Variants in DNAH7 observed in about 807,000 individuals in gnomAD.
DNAH7 encodes the protein dynein axonemal heavy chain 7.
A neutral mutation model predicts 444.6 loss-of-function variants in DNAH7; 397 were observed. That is an observed-to-expected ratio of 0.89 (90% CI 0.82 to 0.97). DNAH7 has a LOEUF of 0.97. Among genes scored for constraint, DNAH7 ranks in the 50% least tolerant of loss-of-function variants. The pLI is 0.00. For missense variants in DNAH7, 4,902 were observed against 4,800.8 expected (o/e 1.02, Z -0.62); for synonymous variants, 1,636 against 1,624.4 (o/e 1.01, Z -0.17).
chr2:195,812,172 C>T (rs555759169), intron 51 of DNAH7, among the ~76,000 whole-genome samples: 6 of 152,126 alleles, frequency 3.9e-5, no homozygotes, highest in Admixed American at 2.0e-4. Context: ...TGTTTCCAAC[C>T]GATCAGCATG....
chr2:195,743,557 T>C (rs1277943473), intron 63 of DNAH7, among the ~76,000 whole-genome samples: 1 of 152,128 alleles, frequency 6.6e-6, no homozygotes, highest in African/African-American at 2.4e-5. Context: ...GTCTAAAGTA[T>C]GGTAAAGGGG....
intron 5 of DNAH7, among the ~76,000 whole-genome samples, chr2:196,028,871 A>G (rs1695857861): frequency 6.6e-6 from 1 of 152,200 alleles, no homozygotes; most frequent in African/African-American, 2.4e-5. Flanking sequence ...ATACCATACC[A>G]AAGTGGGTAT....
chr2:195,950,851 C>CAAAAAAAA (rs67782183), intron 19 of DNAH7, among the ~76,000 whole-genome samples: 19 of 36,710 alleles, frequency 5.2e-4, no homozygotes, highest in African/African-American at 9.5e-4. Context: ...GACTCTGTCT[C>CAAAAAAAA]AAAAAAAAAA....
At chr2:195,898,940 C>T (rs992928233) in intron 28 of DNAH7, among the ~76,000 whole-genome samples, 3 of 152,230 alleles carry the variant, frequency 2.0e-5, no homozygotes. Flanking sequence ...TTCAACATCT[C>T]ACTCCAAAGC....
chr2:195,765,433 A>G (rs1302223427), intron 61 of DNAH7, among the ~76,000 whole-genome samples: 1 of 152,196 alleles, frequency 6.6e-6, no homozygotes, highest in Non-Finnish European at 1.5e-5. Flanking sequence ...AATAAAATGA[A>G]CAGAGAACAC....
At chr2:196,011,431 A>C (rs1400122519) in intron 10 of DNAH7, among the ~76,000 whole-genome samples, 1 of 152,148 alleles carries the variant, frequency 6.6e-6, no homozygotes. Context: ...CCCTACTTGT[A>C]GGGAATAATA....
chr2:195,983,519 G>T (rs1349796680), intron 15 of DNAH7, among the ~76,000 whole-genome samples: 1 of 152,010 alleles, frequency 6.6e-6, no homozygotes, highest in East Asian at 1.9e-4. Flanking sequence ...CAGATCTCAA[G>T]AAAACTAAAC....
At chr2:195,828,360 G>A (rs1398912608) in intron 48 of DNAH7, among the ~76,000 whole-genome samples, 1 of 151,926 alleles carries the variant, frequency 6.6e-6, no homozygotes. Context: ...CGAGGCGGGC[G>A]GATCATGAGG....
Position 195,906,973 on chromosome 2 carries a change from C to T in DNAH7, c.4141G>A (p.Glu1381Lys). Residue 1381 changes from glutamate (E) to lysine (K), a missense_variant, in exon 26 of 65, where the codon GAG becomes AAG. Transcript: ENST00000312428. Reference protein sequence around the residue: ...LSCGAWACFDEFNRIDLEVLS... With the variant: ...LSCGAWACFDKFNRIDLEVLS... ...ACTTCCAAATCAATTCTGTTAAACT[C>T]ATCAAAGCAAGCCCAGGCTCCACAA... 6.2e-7 allele frequency: 1 copy of T among 1,613,006 alleles called. No homozygotes were observed. Among genetic ancestry groups the T allele is most frequent in the Non-Finnish European group, 8.5e-7 (1 of 1,179,424 alleles).
chr2:195,865,746 A>G (rs2125100043), intron 40 of DNAH7, among the ~76,000 whole-genome samples: 2 of 152,258 alleles, frequency 1.3e-5, no homozygotes, highest in South Asian at 2.1e-4. Flanking sequence ...ATAACTCTCA[A>G]TGTGACTGGA....
At position 195,880,330 on chromosome 2, in the gene DNAH7, CTTTTTT is replaced by C. The variant is rs1042876508; in HGVS notation, c.5961+1459_5961+1464del. Reference sequence around the variant, plus strand: ...ATTGCAATCTTCTTTCTTTCTTTTTCTTTTTTTTTTTTTTTTGAGACGGAGTCTCAC... The same window carrying C: ...ATTGCAATCTTCTTTCTTTCTTTTTCTTTTTTTTTTGAGACGGAGTCTCAC... On this transcript the variant is annotated intron_variant, in intron 36 of 64. Transcript: ENST00000312428. Among the ~76,000 whole-genome samples, 12 of 136,666 alleles carry C rather than the reference CTTTTTT, an allele frequency of 8.8e-5. 1 individual carries two copies. Among genetic ancestry groups the C allele is most frequent in the African/African-American group, 3.2e-4 (12 of 37,090 alleles). 89.7% of individuals were successfully genotyped at this position (136,666 alleles called of 152,430 possible).
chr2:195,835,381 C>CAAAAAAAAAAAAAAAAAAAAAGAA (rs58376618), intron 47 of DNAH7, among the ~76,000 whole-genome samples: 1 of 113,054 alleles, frequency 8.8e-6, no homozygotes, highest in South Asian at 3.0e-4. Flanking sequence ...GTGACTGAGG[C>CAAAAAAAAAAAAAAAAAAAAAGAA]AAAAAAAAAA....
intron 51 of DNAH7, among the ~76,000 whole-genome samples, chr2:195,812,422 C>A (rs541967342): frequency 6.6e-6 from 1 of 152,152 alleles, no homozygotes; most frequent in Non-Finnish European, 1.5e-5. Flanking sequence ...TGTACAGCAA[C>A]AGATTGATTC....
intron 10 of DNAH7, among the ~76,000 whole-genome samples, chr2:196,010,790 T>A (rs1375318006): frequency 1.3e-5 from 2 of 152,140 alleles, no homozygotes; most frequent in African/African-American, 4.8e-5. Flanking sequence ...TAAAATGTAG[T>A]TTATATACAC....
Position 195,923,613 on chromosome 2 carries a change from C to T in DNAH7, c.3807G>A (p.Gln1269=). The T allele has an allele frequency of 6.2e-7, 1 of 1,614,086 alleles. No individual in the cohort carries two copies. The highest frequency in any genetic ancestry group is 8.5e-7 in the Non-Finnish European group (1 of 1,180,012). The change falls in exon 23 of 65, where the codon CAG becomes CAA. Residue 1269 remains glutamine, a synonymous_variant. Transcript: ENST00000312428. ...SDDSDFEWLS[Q]LRYYWQENHL... The stretch of plus-strand genomic sequence containing the variant: ...CACTTACTTGCCAGTAGTACCTAAG[C>T]TGACTTAACCATTCAAAGTCAGAGT...
rs1343834320 is a variant in DNAH7 at position 195,816,758 on chromosome 2, A to G, written c.9631T>C (p.Ser3211Pro). The change falls in exon 51 of 65, where the codon TCC becomes CCC. Residue 3211 changes from serine (S) to proline (P), a missense_variant. By Grantham distance (74) the Ser-to-Pro change is moderately conservative. Coordinates refer to ENST00000312428, the MANE Select transcript of DNAH7 (RefSeq NM_018897.3). ...MGYRPIAIHS[S>P]ILFFSLADLA... ...TCAGCAAGAGAAAAAAATAGGATGG[A>G]AGAATGGATGGCAATAGGACGATAG... 1.2e-6 allele frequency: 2 copies of G among 1,614,152 alleles called. No homozygotes were observed. The highest frequency in any genetic ancestry group is 4.5e-5 in the East Asian group (2 of 44,866).
intron 48 of DNAH7, among the ~76,000 whole-genome samples, chr2:195,830,662 G>A (rs964174554): frequency 6.6e-6 from 1 of 152,174 alleles, no homozygotes; most frequent in Non-Finnish European, 1.5e-5. Flanking sequence ...AGAGGTATTT[G>A]AGCTGTATCT....
In DNAH7 at chr2:195,777,869, G is replaced by C; in HGVS notation, c.10995C>G (p.Pro3665=). 6.2e-7 allele frequency: 1 copy of C among 1,614,096 alleles called. No individual in the cohort carries two copies. Among genetic ancestry groups the C allele is most frequent in the Non-Finnish European group, 8.5e-7 (1 of 1,179,976 alleles). The stretch of plus-strand genomic sequence containing the variant: ...TATAGTCTGAATTTTCAACTAATTC[G>C]GGATTGAAGAATTTGTTTAGAATGC... ...LRSILNKFFN[P]ELVENSDYKF... Residue 3665 remains proline, a synonymous_variant, in exon 59 of 65, where the codon CCC becomes CCG. Transcript: ENST00000312428.
At chr2:195,930,775 T>A (rs182734978) in intron 21 of DNAH7, among the ~76,000 whole-genome samples, 1 of 152,310 alleles carries the variant, frequency 6.6e-6, no homozygotes, top group East Asian at 1.9e-4. Context: ...GGAATCAACC[T>A]AGGTGCCATC....
Sources: allele counts gnomAD v4.1 joint callset (sites outside exome capture counted in the v4.1 genomes callset), GRCh38; gene constraint gnomAD v4.1.1; transcripts MANE v1.5; gene names NCBI Gene and HGNC (gene_info 2026-07-23, HGNC 2026-07-21).